ANGPT1: variants seen among roughly 807,000 people sequenced by gnomAD.
The protein encoded by ANGPT1 is angiopoietin-1.
Under a neutral mutation model 62.2 loss-of-function variants are expected in ANGPT1, and 17 were observed. The observed-to-expected ratio is 0.27, with a 90% CI of 0.19 to 0.41. The LOEUF is 0.41. Ranked by LOEUF, ANGPT1 falls within the 10% of genes least tolerant of loss-of-function variation. The pLI is 1.00. For missense variants in ANGPT1, 478 were observed against 594.9 expected (o/e 0.80, Z 2.04); for synonymous variants, 199 against 198.9 (o/e 1.00, Z 0.00).
Position 107,497,900 on chromosome 8 carries a change from T to C in ANGPT1, c.-342A>G. On this transcript the variant is annotated 5_prime_UTR_variant, in exon 1 of 9. It adds an upstream start codon to the 5' untranslated region. Coordinates refer to ENST00000517746, the MANE Select transcript of ANGPT1 (RefSeq NM_001146.5). ...ATATTCTAGACCCTTTCCTCTACCC[T>C]ATCTGCTGCAGATCTGCTATTTTCT... The C allele has an allele frequency of 2.2e-6, 1 of 444,686 alleles. No individual in the cohort carries two copies. The highest frequency in any genetic ancestry group is 3.9e-6 in the Non-Finnish European group (1 of 253,858). 27.5% of individuals were successfully genotyped at this position (444,686 alleles called of 1,614,324 possible).
chr8:107,374,927 C>T (rs1036505163), intron 1 of ANGPT1, among the ~76,000 whole-genome samples: 1 of 152,066 alleles, frequency 6.6e-6, no homozygotes, highest in East Asian at 1.9e-4. Flanking sequence ...TTTGGGAGGC[C>T]GAGGAGGGCG....
At chr8:107,361,362 TGAAAG>T (rs2130203872) in intron 1 of ANGPT1, among the ~76,000 whole-genome samples, 1 of 151,162 alleles carries the variant, frequency 6.6e-6, no homozygotes, top group Non-Finnish European at 1.5e-5. Context: ...TTTTGGTTGT[TGAAAG>T]CAAAGTTATG....
chr8:107,340,056 G>A (rs531776387), intron 2 of ANGPT1, among the ~76,000 whole-genome samples: 1 of 152,086 alleles, frequency 6.6e-6, no homozygotes, highest in Non-Finnish European at 1.5e-5. Flanking sequence ...GGTCTGAAGC[G>A]GGCAACCAAG....
rs146097795 is a variant in ANGPT1, at chr8:107,416,972, G to T, written c.298-69875C>A. 4.9e-3 allele frequency among the ~76,000 whole-genome samples: 741 copies of T among 152,008 alleles called. 10 individuals are homozygous for T. The highest frequency in any genetic ancestry group is 0.017 in the African/African-American group (715 of 41,474). The stretch of plus-strand genomic sequence containing the variant: ...ATCTTGGCTAATTTTTGTATTTTTA[G>T]TAGCGACAGGGTTTCACCATGTTGG... On this transcript the variant is annotated intron_variant, in intron 1 of 8. Transcript: ENST00000517746.
chr8:107,293,810 C>T (rs1282030911), intron 6 of ANGPT1, 126 bp downstream of exon 6: 7 of 656,260 alleles, frequency 1.1e-5, no homozygotes, highest in Non-Finnish European at 1.8e-5. Flanking sequence ...GAAAATAATA[C>T]TAATGTATCA....
chr8:107,329,514 A>G (rs921346416), intron 3 of ANGPT1, among the ~76,000 whole-genome samples: 13 of 152,124 alleles, frequency 8.5e-5, no homozygotes, highest in African/African-American at 3.1e-4. Flanking sequence ...AGTGCCATGC[A>G]ATGGGCTTTT....
chr8:107,395,816 G>C lies in ANGPT1; in HGVS notation c.298-48719C>G, dbSNP rs190948116. Among the ~76,000 whole-genome samples the C allele has an allele frequency of 2.0e-4, 30 of 152,238 alleles. No homozygotes were observed. In the East Asian group the frequency reaches 5.4e-3, roughly 27 times the overall value. ...GTTCTCAGGAGCAGGAAAACAGTTA[G>C]AATTTCCAAGAAAAAGATAGGATGT... On this transcript the variant is annotated intron_variant, in intron 1 of 8. Coordinates refer to ENST00000517746, the MANE Select transcript of ANGPT1 (RefSeq NM_001146.5).
chr8:107,354,091 G>T (rs557561225), intron 1 of ANGPT1, among the ~76,000 whole-genome samples: 8 of 152,228 alleles, frequency 5.3e-5, no homozygotes, highest in African/African-American at 1.7e-4. Flanking sequence ...GCTGCTGAAA[G>T]TTGCCAAAGT....
At chr8:107,370,176 GAAGAAAGAAAGAAAGAAAAAAAGA>G (rs1304265441) in intron 1 of ANGPT1, among the ~76,000 whole-genome samples, 7 of 86,086 alleles carry the variant, frequency 8.1e-5, no homozygotes, top group African/African-American at 3.0e-4. Flanking sequence ...AAGAGAGAAA[GAAGAAAGAAAGAAAGAAAAAAAGA>G]AAGAAAGAAA....
chr8:107,327,751 A>G (rs945372624), intron 3 of ANGPT1, among the ~76,000 whole-genome samples: 1 of 152,090 alleles, frequency 6.6e-6, no homozygotes, highest in Admixed American at 6.6e-5. Context: ...CTTTGAGAAG[A>G]GACATGCATA....
chr8:107,286,453 T>A (rs1250521599), intron 6 of ANGPT1, among the ~76,000 whole-genome samples: 3 of 152,176 alleles, frequency 2.0e-5, no homozygotes, highest in African/African-American at 4.8e-5. Context: ...CTGTTCTATT[T>A]TTAAAAAACT....
chr8:107,361,909 C>T (rs781083687), intron 1 of ANGPT1, among the ~76,000 whole-genome samples: 3 of 151,854 alleles, frequency 2.0e-5, no homozygotes, highest in Non-Finnish European at 4.4e-5. Flanking sequence ...AAATACAAAA[C>T]TTAGCCAGGT....
chr8:107,284,053 A>G (rs1254124120), intron 7 of ANGPT1: 1 of 152,200 alleles, frequency 6.6e-6, no homozygotes, highest in Non-Finnish European at 1.5e-5. Context: ...CGAGCTTCTC[A>G]TTGAAAAAGG....
intron 1 of ANGPT1, among the ~76,000 whole-genome samples, chr8:107,363,234 G>T (rs1213965520): frequency 6.6e-6 from 1 of 152,064 alleles, no homozygotes; most frequent in Non-Finnish European, 1.5e-5. Context: ...ATGATCAAAT[G>T]AAATAATACA....
In ANGPT1 at chr8:107,365,890, C is replaced by CACACAT. The variant is rs71308725; in HGVS notation, c.298-18794_298-18793insATGTGT. On this transcript the variant is annotated intron_variant, in intron 1 of 8. Transcript: ENST00000517746. ...ACACACACACACACACACACACACA[C>CACACAT]GATTTTGCCTGTATACACAAATAGA... 4.9e-3 allele frequency among the ~76,000 whole-genome samples: 728 copies of CACACAT among 149,028 alleles called. 5 individuals are homozygous for CACACAT. The highest frequency in any genetic ancestry group is 0.023 in the Admixed American group (348 of 14,844).
At chr8:107,362,712 G>C (rs1816191047) in intron 1 of ANGPT1, among the ~76,000 whole-genome samples, 1 of 152,086 alleles carries the variant, frequency 6.6e-6, no homozygotes, top group Non-Finnish European at 1.5e-5. Context: ...ATATTAAAAA[G>C]TCTAATGAGT....
chr8:107,262,425 T>C (rs1469718159), intron 8 of ANGPT1, among the ~76,000 whole-genome samples: 2 of 152,248 alleles, frequency 1.3e-5, no homozygotes, highest in South Asian at 2.1e-4. Context: ...CACAGTCAGC[T>C]GTGCTAGATG....
intron 7 of ANGPT1, among the ~76,000 whole-genome samples, chr8:107,264,589 A>G (rs149588396): frequency 1.9e-3 from 282 of 152,338 alleles, no homozygotes; most frequent in Admixed American, 4.4e-3. Context: ...AGGATCCAGA[A>G]AACATAAAAA....
rs1175258375 is a variant in ANGPT1 at position 107,249,553 on chromosome 8, AACC to A, written c.*2299_*2301del. 1 of 152,200 alleles carries A rather than the reference AACC, an allele frequency of 6.6e-6. No individual in the cohort carries two copies. The highest frequency in any genetic ancestry group is 2.4e-5 in the African/African-American group (1 of 41,466). The allele number at this position is 152,200 out of a possible 1,614,324, so 9.4% of individuals were successfully genotyped here. A position where few individuals can be genotyped will look rare whatever the true frequency, so the allele number is the denominator to read the frequency against. On this transcript the variant is annotated 3_prime_UTR_variant, in exon 9 of 9. Coordinates refer to ENST00000517746, the MANE Select transcript of ANGPT1 (RefSeq NM_001146.5). Reference sequence around the variant, plus strand: ...GATGATATGAAGAACTTTGCATAGAAACCACATGAATTTTAAAGACAAAATTCG... The same window carrying A: ...GATGATATGAAGAACTTTGCATAGAAACATGAATTTTAAAGACAAAATTCG...
Sources: allele counts gnomAD v4.1 joint callset (sites outside exome capture counted in the v4.1 genomes callset), GRCh38; gene constraint gnomAD v4.1.1; transcripts MANE v1.5; gene names NCBI Gene and HGNC (gene_info 2026-07-23, HGNC 2026-07-21).